The following SYNE1 variants were observed in gnomAD, a reference collection of about 807,000 sequenced individuals.
SYNE1 encodes nesprin-1.
A neutral mutation model predicts 1,111.0 loss-of-function variants in SYNE1; 616 were observed. The observed-to-expected ratio is 0.55, with a 90% CI of 0.52 to 0.59. The LOEUF is 0.59. Among genes scored for constraint, SYNE1 ranks in the 20% least tolerant of loss-of-function variants. The probability of loss-of-function intolerance (pLI) is 0.00; values close to 1 mark genes in which losing one functional copy is unlikely to be tolerated. For synonymous variants in SYNE1, 3,855 were observed against 3,825.8 expected, an observed-to-expected ratio of 1.01 and a Z score of -0.28; for missense variants, 10,006 against 10,417.0, an observed-to-expected ratio of 0.96 and a Z score of 1.72.
In SYNE1 at chr6:152,344,128, C is replaced by T. The variant is rs1429110012; in HGVS notation, c.12178G>A (p.Glu4060Lys). 6.2e-7 allele frequency: 1 copy of T among 1,614,094 alleles called. No individual in the cohort carries two copies. The highest frequency in any genetic ancestry group is 1.7e-5 in the Admixed American group (1 of 60,010). Residue 4060 changes from glutamate (E) to lysine (K), a missense_variant, in exon 74 of 146, where the codon GAG becomes AAG. Physicochemically the swap from Glu to Lys is moderately conservative, Grantham distance 56. Coordinates refer to ENST00000367255, the MANE Select transcript of SYNE1 (RefSeq NM_182961.4). ...CTAAGAGGTGGTTGAGGACTTGGCT[C>T]TAAATCCGGCTGGACTGCAGAAAGC... Reference protein sequence around the residue: ...AWLSAVQPDLEPSPQPPLSRA... With the variant: ...AWLSAVQPDLKPSPQPPLSRA...
intron 127 of SYNE1, among the ~76,000 whole-genome samples, chr6:152,194,896 T>C (rs1325817065): frequency 6.6e-6 from 1 of 152,170 alleles, no homozygotes; most frequent in Non-Finnish European, 1.5e-5. Context: ...TCTGAATTCA[T>C]TCTGTGTTTT....
rs1245770159 is a variant in SYNE1 at position 152,512,494 on chromosome 6, A to G, written c.310-1391T>C. Among the ~76,000 whole-genome samples the G allele has an allele frequency of 3.3e-5, 5 of 152,168 alleles. 1 individual carries two copies. Among genetic ancestry groups the G allele is most frequent in the Admixed American group, 6.5e-5 (1 of 15,278 alleles). ...TCTCCACATCCATTTTAGCATACAT[A>G]CACAAAAAATTTATAATATATGCTA... On this transcript the variant is annotated intron_variant, in intron 6 of 145. Transcript: ENST00000367255.
intron 27 of SYNE1, among the ~76,000 whole-genome samples, chr6:152,449,927 G>A (rs1213491248): frequency 1.3e-5 from 2 of 152,184 alleles, no homozygotes; most frequent in African/African-American, 4.8e-5. Context: ...ACCACTTGAG[G>A]TCTGGCCTCG....
intron 66 of SYNE1, among the ~76,000 whole-genome samples, chr6:152,355,696 A>G (rs1173363714): frequency 1.3e-5 from 2 of 152,224 alleles, no homozygotes; most frequent in Non-Finnish European, 2.9e-5. Context: ...TGGCACACTT[A>G]TATTTCTGGT....
chr6:152,384,836 T>A (rs1001833210), intron 55 of SYNE1, among the ~76,000 whole-genome samples: 1 of 150,612 alleles, frequency 6.6e-6, no homozygotes, highest in Non-Finnish European at 1.5e-5. Flanking sequence ...GCCAAGATCG[T>A]GCCACTGCAC....
chr6:152,235,122 A>G (rs1038148128), intron 110 of SYNE1, among the ~76,000 whole-genome samples: 1 of 152,172 alleles, frequency 6.6e-6, no homozygotes, highest in African/African-American at 2.4e-5. Context: ...AGACTATGTC[A>G]TTATGTAAAA....
chr6:152,363,848 G>A (rs897553739), intron 63 of SYNE1: 1 of 442,912 alleles, frequency 2.3e-6, no homozygotes, highest in Non-Finnish European at 4.5e-6. Flanking sequence ...CCCTGCCCTT[G>A]GATGGGATAA....
chr6:152,499,752 G>A (rs2099018895), intron 10 of SYNE1, among the ~76,000 whole-genome samples: 1 of 152,096 alleles, frequency 6.6e-6, no homozygotes, highest in African/African-American at 2.4e-5. Context: ...CTAAAAAAGG[G>A]CGAAGCTTCC....
At chr6:152,435,821 A>T in intron 33 of SYNE1, 120 bp downstream of exon 33, 2 of 1,281,464 alleles carry the variant, frequency 1.6e-6, no homozygotes, top group South Asian at 2.6e-5. Flanking sequence ...TTTCCTCAAA[A>T]CATGCTGAAA....
intron 96 of SYNE1, among the ~76,000 whole-genome samples, chr6:152,283,722 A>T (rs912224161): frequency 2.0e-5 from 3 of 151,994 alleles, no homozygotes; most frequent in African/African-American, 7.2e-5. Context: ...TTTTTAGTAG[A>T]GACAGGGTTT....
At chr6:152,339,144 C>G in intron 75 of SYNE1, 97 bp downstream of exon 75, 1 of 1,517,428 alleles carries the variant, frequency 6.6e-7, no homozygotes, top group Admixed American at 1.7e-5. Context: ...ACAGCAAGAA[C>G]AAGCCAAGAG....
intron 8 of SYNE1, among the ~76,000 whole-genome samples, chr6:152,509,664 G>T (rs568683373): frequency 2.6e-5 from 4 of 152,038 alleles, no homozygotes; most frequent in African/African-American, 7.2e-5. Context: ...AGCTCACAAA[G>T]CTAGAGTTGA....
At chr6:152,469,947 C>T (rs761479292) in intron 16 of SYNE1, among the ~76,000 whole-genome samples, 3 of 152,108 alleles carry the variant, frequency 2.0e-5, no homozygotes, top group East Asian at 1.9e-4. Flanking sequence ...CCATACTCCA[C>T]GGTTATCAAA....
chr6:152,586,163 C>T (rs1329315537), intron 3 of SYNE1, among the ~76,000 whole-genome samples: 1 of 152,066 alleles, frequency 6.6e-6, no homozygotes, highest in African/African-American at 2.4e-5. Context: ...CATAACTCTT[C>T]TTTTGTAGAC....
chr6:152,465,563 A>G, intron 17 of SYNE1, 103 bp from the exon 18 acceptor site: 1 of 1,043,124 alleles, frequency 9.6e-7, no homozygotes, highest in South Asian at 1.4e-5. Context: ...TATCCATCAC[A>G]AATGCCAGAG....
intron 11 of SYNE1, among the ~76,000 whole-genome samples, chr6:152,493,374 A>C (rs1384006306): frequency 6.6e-6 from 1 of 152,080 alleles, no homozygotes; most frequent in Non-Finnish European, 1.5e-5. Context: ...TTTCTTTGCT[A>C]TTCCTTTACA....
At position 152,330,972 on chromosome 6, in the gene SYNE1, A is replaced by G; in HGVS notation, c.13713T>C (p.Phe4571=). The G allele has an allele frequency of 6.2e-7, 1 of 1,614,194 alleles. No homozygotes were observed. The highest frequency in any genetic ancestry group is 1.1e-5 in the South Asian group (1 of 91,078). ...LVSRKHFKED[F]DKACHWLKQA... ...GTTTTAGCCAGTGGCAAGCTTTATC[A>G]AAATCTTCCTTAAAATGCTTCCTAG... is the stretch of plus-strand genomic sequence containing the variant. The change falls in exon 78 of 146, where the codon TTT becomes TTC. Residue 4571 remains phenylalanine, a synonymous_variant. Coordinates refer to ENST00000367255, the MANE Select transcript of SYNE1 (RefSeq NM_182961.4).
intron 23 of SYNE1, 133 bp downstream of exon 23, chr6:152,455,753 G>T (rs1290627000): frequency 2.9e-6 from 4 of 1,399,366 alleles, no homozygotes; most frequent in Admixed American, 1.8e-5. Context: ...AGGTAAAAAA[G>T]TAGGACAATG....
At chr6:152,447,430 C>A in intron 29 of SYNE1, 28 bp downstream of exon 29, 6 of 1,613,560 alleles carry the variant, frequency 3.7e-6, no homozygotes, top group Non-Finnish European at 5.1e-6. Context: ...TCAGAACTGT[C>A]TGTTTAGAGT....
Sources: gnomAD v4.1 joint callset for allele counts (sites outside exome capture counted in the v4.1 genomes callset) on GRCh38, gnomAD v4.1.1 for gene constraint, MANE v1.5 for transcripts, NCBI Gene and HGNC (gene_info 2026-07-23, HGNC 2026-07-21) for gene names.